MAGI1: variants seen among roughly 807,000 people sequenced by gnomAD.
The protein encoded by MAGI1 is membrane associated guanylate kinase, WW and PDZ domain containing 1.
In MAGI1, 58 loss-of-function variants were observed where a neutral mutation model predicts 139.9. The ratio of observed to expected loss-of-function variants is 0.41; its 90% CI spans 0.34 to 0.52. The LOEUF is 0.52. Ranked by LOEUF, MAGI1 falls within the 20% of genes least tolerant of loss-of-function variation. The pLI, the probability that MAGI1 is intolerant of heterozygous loss-of-function variation, is 0.12. For missense variants in MAGI1, 1,874 were observed against 1,901.6 expected (o/e 0.99, Z 0.27); for synonymous variants, 812 against 737.9 (o/e 1.10, Z -1.63).
chr3:65,869,156 A>T (rs2372155), intron 1 of MAGI1, among the ~76,000 whole-genome samples: 48,243 of 148,914 alleles, frequency 0.32, 9,970 homozygotes, highest in African/African-American at 0.58. Flanking sequence ...TCGGAGAGGC[A>T]GAGGCAGGAG....
At chr3:65,378,470 T>C (rs1331120395) in intron 17 of MAGI1, among the ~76,000 whole-genome samples, 1 of 152,196 alleles carries the variant, frequency 6.6e-6, no homozygotes, top group South Asian at 2.1e-4. Flanking sequence ...ATGTAGTATT[T>C]TTACTCCTTA....
At chr3:65,365,836 C>G (rs1434710722) in intron 18 of MAGI1, among the ~76,000 whole-genome samples, 1 of 152,136 alleles carries the variant, frequency 6.6e-6, no homozygotes, top group Non-Finnish European at 1.5e-5. Flanking sequence ...TCACATTTAA[C>G]TATTATATGG....
At chr3:65,909,252 T>C (rs9990244) in intron 1 of MAGI1, among the ~76,000 whole-genome samples, 70,188 of 151,732 alleles carry the variant, frequency 0.46, 16,894 homozygotes, top group East Asian at 0.68. Context: ...AGTCTGGGCA[T>C]GGTGGCTCAT....
At chr3:65,399,405 T>C (rs186700424) in intron 13 of MAGI1, among the ~76,000 whole-genome samples, 3 of 152,318 alleles carry the variant, frequency 2.0e-5, no homozygotes, top group African/African-American at 7.2e-5. Context: ...ATCACAGATG[T>C]TAGCAGCACT....
intron 1 of MAGI1, among the ~76,000 whole-genome samples, chr3:65,660,661 T>C (rs1044063770): frequency 6.6e-6 from 1 of 152,230 alleles, no homozygotes; most frequent in Non-Finnish European, 1.5e-5. Context: ...CTTCAAACTA[T>C]GGTTAAACTC....
chr3:65,382,192 T>C (rs1487173241), intron 15 of MAGI1, 123 bp from the exon 16 acceptor site: 5 of 740,230 alleles, frequency 6.8e-6, no homozygotes, highest in Admixed American at 5.6e-5. Flanking sequence ...CAAACATTTA[T>C]TGAGCACCCA....
At chr3:65,376,001 G>A in intron 17 of MAGI1, 56 bp from the exon 18 acceptor site, 4 of 1,353,852 alleles carry the variant, frequency 3.0e-6, no homozygotes, top group Admixed American at 1.9e-5. Context: ...ATAGCAAAGG[G>A]AAGAGAAAAA....
At chr3:65,743,451 T>C (rs962457495) in intron 1 of MAGI1, among the ~76,000 whole-genome samples, 4 of 152,210 alleles carry the variant, frequency 2.6e-5, no homozygotes, top group Non-Finnish European at 4.4e-5. Context: ...CTCATGTCTG[T>C]AATCCCAGAA....
At chr3:65,492,827 C>T (rs1225317953) in intron 3 of MAGI1, among the ~76,000 whole-genome samples, 1 of 151,944 alleles carries the variant, frequency 6.6e-6, no homozygotes, top group Non-Finnish European at 1.5e-5. Flanking sequence ...TCCTGTAATC[C>T]CAGCACTTTG....
In MAGI1 at chr3:65,764,260, T is replaced by A. The variant is rs957947033; in HGVS notation, c.314-142172A>T. 2.0e-5 allele frequency among the ~76,000 whole-genome samples: 3 copies of A among 150,136 alleles called. No homozygotes were observed. The East Asian group carries it at 6.2e-4, about 31-fold the overall frequency. Reference sequence around the variant, plus strand: ...AAAGAATGTAGACGTGAAAATGGCATGATACTTAATGATCAAGAGATTCTC... The same window carrying A: ...AAAGAATGTAGACGTGAAAATGGCAAGATACTTAATGATCAAGAGATTCTC... On this transcript the variant is annotated intron_variant, in intron 1 of 22. Transcript: ENST00000402939.
intron 1 of MAGI1, among the ~76,000 whole-genome samples, chr3:65,644,355 A>G (rs2085141513): frequency 6.6e-6 from 1 of 151,668 alleles, no homozygotes; most frequent in Admixed American, 6.6e-5. Context: ...CATCCTAAAA[A>G]TGATTCAAGG....
intron 18 of MAGI1, among the ~76,000 whole-genome samples, chr3:65,375,356 T>G (rs1942410389): frequency 6.6e-6 from 1 of 151,386 alleles, no homozygotes; most frequent in East Asian, 2.0e-4. Context: ...GCCCGGCTAA[T>G]TTTTGTATTT....
chr3:65,760,388 A>T (rs1036326305), intron 1 of MAGI1, among the ~76,000 whole-genome samples: 6 of 145,210 alleles, frequency 4.1e-5, no homozygotes, highest in African/African-American at 1.0e-4. Flanking sequence ...CAGAGCGGTA[A>T]TTTTTTTTTT....
At chr3:65,770,820 C>G (rs1200106054) in intron 1 of MAGI1, among the ~76,000 whole-genome samples, 1 of 151,940 alleles carries the variant, frequency 6.6e-6, no homozygotes, top group Non-Finnish European at 1.5e-5. Context: ...TCCCAAGTAG[C>G]TGGGACTACA....
rs1331108753 is a variant in MAGI1, at chr3:65,457,190, CAAAAT to C, written c.960-3855_960-3851del. On this transcript the variant is annotated intron_variant, in intron 5 of 22. Coordinates refer to ENST00000402939, the MANE Select transcript of MAGI1 (RefSeq NM_001033057.2). The stretch of plus-strand genomic sequence containing the variant: ...CCTGTATGTCCACGAGACATTGTCT[CAAAAT>C]AAAATAAAAATAAAAATAATTTTAA... 3.3e-5 allele frequency among the ~76,000 whole-genome samples: 5 copies of C among 151,734 alleles called. No homozygotes were observed. In the East Asian group the frequency reaches 5.8e-4, roughly 18 times the overall value.
At chr3:65,670,911 C>A (rs1275887898) in intron 1 of MAGI1, among the ~76,000 whole-genome samples, 1 of 152,136 alleles carries the variant, frequency 6.6e-6, no homozygotes, top group Non-Finnish European at 1.5e-5. Flanking sequence ...CTAGAATGTA[C>A]CAAAGTGCTT....
chr3:65,594,466 T>C (rs2082096418), intron 2 of MAGI1, among the ~76,000 whole-genome samples: 1 of 152,196 alleles, frequency 6.6e-6, no homozygotes. Context: ...TTTATAACAC[T>C]TCAAAAGCCT....
intron 1 of MAGI1, among the ~76,000 whole-genome samples, chr3:65,792,382 T>C (rs1189998006): frequency 1.3e-5 from 2 of 152,066 alleles, no homozygotes; most frequent in Admixed American, 6.6e-5. Context: ...GGAGAATTGC[T>C]TGAACCAAGG....
intron 2 of MAGI1, among the ~76,000 whole-genome samples, chr3:65,493,840 C>A (rs1017084628): frequency 6.6e-6 from 1 of 152,088 alleles, no homozygotes. Context: ...TGCCTGGGAC[C>A]CCAAATGGGA....
Sources: allele counts gnomAD v4.1 joint callset (sites outside exome capture counted in the v4.1 genomes callset), GRCh38; gene constraint gnomAD v4.1.1; transcripts MANE v1.5; gene names NCBI Gene and HGNC (gene_info 2026-07-23, HGNC 2026-07-21).